RIMS2: variants seen among roughly 807,000 people sequenced by gnomAD.
RIMS2 encodes regulating synaptic membrane exocytosis 2, also known as regulating synaptic membrane exocytosis protein 2.
In RIMS2, 59 loss-of-function variants were observed where a neutral mutation model predicts 174.4. The observed-to-expected ratio is 0.34, with a 90% CI of 0.27 to 0.42. RIMS2 has a LOEUF of 0.42. Among genes scored for constraint, RIMS2 ranks in the 10% least tolerant of loss-of-function variants. RIMS2 has a pLI of 1.00. For missense variants in RIMS2, 1,620 were observed against 1,666.3 expected (o/e 0.97, Z 0.48); for synonymous variants, 606 against 572.5 (o/e 1.06, Z -0.84).
At chr8:103,775,022 A>G (rs1350905230) in intron 3 of RIMS2, among the ~76,000 whole-genome samples, 1 of 152,128 alleles carries the variant, frequency 6.6e-6, no homozygotes, top group South Asian at 2.1e-4. Context: ...AATTAATGCA[A>G]TTTTCTTTAT....
At position 103,916,402 on chromosome 8, in the gene RIMS2, C is replaced by T. The variant is rs779980746; in HGVS notation, c.1913-12C>T. 2 of 1,579,102 alleles carry T rather than the reference C, an allele frequency of 1.3e-6. No individual in the cohort carries two copies. The highest frequency in any genetic ancestry group is 1.2e-5 in the South Asian group (1 of 85,934). ...TTCTGTATAAGATTATTATTACTGA[C>T]ACCCACTATAGGTGATGAAGTATTA... On this transcript the variant is annotated splice_polypyrimidine_tract_variant and intron_variant, in intron 7 of 23. Coordinates refer to ENST00000504942, the Ensembl canonical transcript of RIMS2.
At chr8:103,878,890 AAT>A (rs1375441850) in intron 3 of RIMS2, among the ~76,000 whole-genome samples, 1 of 146,626 alleles carries the variant, frequency 6.8e-6, no homozygotes, top group Non-Finnish European at 1.6e-5. Flanking sequence ...TGATTCACAG[AAT>A]CTTTTTGTTG....
intron 17 of RIMS2, among the ~76,000 whole-genome samples, chr8:103,991,571 T>G (rs2094699154): frequency 6.6e-6 from 1 of 152,062 alleles, no homozygotes; most frequent in Non-Finnish European, 1.5e-5. Flanking sequence ...TGAATTTTCA[T>G]GAATAGCATT....
At chr8:103,856,697 A>G (rs1160303478) in intron 3 of RIMS2, among the ~76,000 whole-genome samples, 5 of 152,250 alleles carry the variant, frequency 3.3e-5, no homozygotes, top group Admixed American at 1.3e-4. Context: ...TATGGCATAT[A>G]TCTAATACTA....
intron 19 of RIMS2, among the ~76,000 whole-genome samples, chr8:104,154,968 T>TA (rs1186209564): frequency 6.6e-6 from 1 of 151,790 alleles, no homozygotes; most frequent in East Asian, 1.9e-4. Context: ...GTTTACTTTT[T>TA]TTTTTAATCT....
At chr8:103,787,530 A>C (rs1357531725) in intron 3 of RIMS2, among the ~76,000 whole-genome samples, 2 of 151,690 alleles carry the variant, frequency 1.3e-5, no homozygotes. Context: ...TTCGCTTATG[A>C]AGCTTAGTTT....
intron 3 of RIMS2, among the ~76,000 whole-genome samples, chr8:103,785,809 C>G: frequency 6.6e-6 from 1 of 152,150 alleles, no homozygotes; most frequent in Non-Finnish European, 1.5e-5. Flanking sequence ...AGGATTCCCT[C>G]TTTTTCTATT....
chr8:103,912,656 A>T (rs1565269106), intron 6 of RIMS2, among the ~76,000 whole-genome samples: 1 of 152,134 alleles, frequency 6.6e-6, no homozygotes, highest in Non-Finnish European at 1.5e-5. Flanking sequence ...TGCACTTAAG[A>T]GAGAGTACTG....
chr8:104,253,098 A>T (rs2099362856), downstream of RIMS2: 1 of 152,190 alleles, frequency 6.6e-6, no homozygotes, highest in Non-Finnish European at 1.5e-5. Context: ...CGAAGAAGAT[A>T]TTTGAACTTT....
chr8:104,232,371 C>T (rs975720102), intron 19 of RIMS2, among the ~76,000 whole-genome samples: 2 of 152,214 alleles, frequency 1.3e-5, no homozygotes, highest in Admixed American at 6.5e-5. Context: ...AAACTAGCAA[C>T]ATATTTTTCT....
intron 1 of RIMS2, among the ~76,000 whole-genome samples, chr8:103,605,701 A>G (rs2095035538): frequency 6.6e-6 from 1 of 152,196 alleles, no homozygotes; most frequent in African/African-American, 2.4e-5. Flanking sequence ...CTGTTCAGAG[A>G]TTCAACTTCT....
intron 1 of RIMS2, among the ~76,000 whole-genome samples, chr8:103,624,565 A>G (rs925002771): frequency 6.6e-6 from 1 of 152,216 alleles, no homozygotes; most frequent in South Asian, 2.1e-4. Flanking sequence ...TCTTTTGCTT[A>G]CTGTCACCGT....
At chr8:103,749,205 A>G (rs931169211) in intron 2 of RIMS2, among the ~76,000 whole-genome samples, 4 of 150,948 alleles carry the variant, frequency 2.6e-5, no homozygotes, top group African/African-American at 7.3e-5. Flanking sequence ...TCCGCCTCCC[A>G]GGTTCATGCC....
intron 19 of RIMS2, chr8:104,015,401 T>G (rs1038833845): frequency 7.3e-6 from 5 of 681,086 alleles, no homozygotes; most frequent in Middle Eastern, 2.3e-4. Context: ...TTCTGTTTTT[T>G]GTTTTTATTT....
chr8:104,068,378 A>T, intron 19 of RIMS2, 134 bp from the exon 23 acceptor site: 1 of 418,048 alleles, frequency 2.4e-6, no homozygotes. Flanking sequence ...AAATAATATG[A>T]CATTTAATTT....
chr8:103,603,891 G>C (rs1235965560), intron 1 of RIMS2, among the ~76,000 whole-genome samples: 1 of 147,902 alleles, frequency 6.8e-6, no homozygotes, highest in Non-Finnish European at 1.5e-5. Flanking sequence ...GTAGATTCTG[G>C]ATATTAGCCC....
At chr8:103,888,099 A>AT (rs2099216753) in intron 4 of RIMS2, among the ~76,000 whole-genome samples, 1 of 151,512 alleles carries the variant, frequency 6.6e-6, no homozygotes, top group Non-Finnish European at 1.5e-5. Flanking sequence ...CAATAATTGA[A>AT]AATGTGATAC....
intron 2 of RIMS2, among the ~76,000 whole-genome samples, chr8:103,714,889 T>C (rs1450363928): frequency 6.6e-6 from 1 of 152,098 alleles, no homozygotes; most frequent in Non-Finnish European, 1.5e-5. Flanking sequence ...AAAATTTTTT[T>C]AGATAATAAA....
At chr8:103,793,549 C>T (rs1401164019) in intron 3 of RIMS2, among the ~76,000 whole-genome samples, 1 of 152,150 alleles carries the variant, frequency 6.6e-6, no homozygotes. Context: ...CTCACCACTC[C>T]TATTCAACAT....
Sources: allele counts gnomAD v4.1 joint callset (sites outside exome capture counted in the v4.1 genomes callset), GRCh38; gene constraint gnomAD v4.1.1; transcripts MANE v1.5; gene names NCBI Gene and HGNC (gene_info 2026-07-23, HGNC 2026-07-21).